Variants in TPTE2 observed in about 807,000 individuals in gnomAD.
The protein encoded by TPTE2 is transmembrane phosphoinositide 3-phosphatase and tensin homolog 2, also known as phosphatidylinositol 3,4,5-trisphosphate 3-phosphatase TPTE2.
TPTE2 carries 53 observed loss-of-function variants against 78.6 expected under a neutral mutation model. The observed-to-expected ratio is 0.67, with a 90% confidence interval of 0.54 to 0.85. The LOEUF is 0.85. Among genes scored for constraint, TPTE2 ranks in the 40% least tolerant of loss-of-function variants. TPTE2 has a pLI of 0.00. For missense variants in TPTE2, 461 were observed against 623.0 expected, an observed-to-expected ratio of 0.74 and a Z score of 2.77; for synonymous variants, 175 against 206.2, an observed-to-expected ratio of 0.85 and a Z score of 1.30.
chr13:19,503,509 A>T (rs1868761344), upstream of TPTE2, among the ~76,000 whole-genome samples: 1 of 152,158 alleles, frequency 6.6e-6, no homozygotes, highest in Admixed American at 6.6e-5. Flanking sequence ...ATTTAAATAA[A>T]CCTCTTTATT....
the TPTE2 span, among the ~76,000 whole-genome samples, chr13:19,555,025 T>C: frequency 1.3e-5 from 2 of 152,220 alleles, no homozygotes; most frequent in Non-Finnish European, 2.9e-5. Flanking sequence ...ATTTTTACAC[T>C]TGCTAATAGT....
At chr13:19,534,142 C>T (rs376940432) in intron 1 of TPTE2, among the ~76,000 whole-genome samples, 30 of 152,296 alleles carry the variant, frequency 2.0e-4, no homozygotes, top group African/African-American at 5.3e-4. Context: ...AAACATACAA[C>T]GCTACATCAG....
intron 17 of TPTE2, among the ~76,000 whole-genome samples, chr13:19,428,971 T>C (rs919463509): frequency 6.6e-6 from 1 of 152,236 alleles, no homozygotes; most frequent in African/African-American, 2.4e-5. Context: ...CAAAGAGGCC[T>C]GATAATTATC....
At chr13:19,489,913 G>C (rs1167700162) in intron 3 of TPTE2, among the ~76,000 whole-genome samples, 8 of 151,902 alleles carry the variant, frequency 5.3e-5, no homozygotes, top group African/African-American at 1.9e-4. Context: ...CCAGTGCTAA[G>C]GATTAAAAAT....
At chr13:19,441,687 T>C (rs1156546737) in intron 13 of TPTE2, among the ~76,000 whole-genome samples, 2 of 152,142 alleles carry the variant, frequency 1.3e-5, no homozygotes, top group Admixed American at 1.3e-4. Context: ...CCAAAATACC[T>C]ACCAGGAACA....
chr13:19,423,702 A>T (rs1419025201), intron 19 of TPTE2, among the ~76,000 whole-genome samples: 1 of 152,344 alleles, frequency 6.6e-6, no homozygotes, highest in East Asian at 1.9e-4. Context: ...CAATCTCATA[A>T]CTAACAAAAA....
intron 18 of TPTE2, chr13:19,425,678 T>A (rs9579173): frequency 0.14 from 69,590 of 500,976 alleles, 5,315 homozygotes; most frequent in Middle Eastern, 0.28. Context: ...AGACTTCCCC[T>A]CAGGAAACCT....
At chr13:19,472,441 A>G (rs1045313011) in intron 6 of TPTE2, among the ~76,000 whole-genome samples, 1 of 152,216 alleles carries the variant, frequency 6.6e-6, no homozygotes, top group African/African-American at 2.4e-5. Flanking sequence ...TTCTGCTATT[A>G]AAAGACTCTA....
At chr13:19,509,316 T>C (rs1310160634) in intron 1 of TPTE2, among the ~76,000 whole-genome samples, 2 of 151,958 alleles carry the variant, frequency 1.3e-5, no homozygotes, top group African/African-American at 4.8e-5. Context: ...GAAAAAACCG[T>C]GGAGAAGATT....
intron 15 of TPTE2, among the ~76,000 whole-genome samples, chr13:19,434,392 G>A (rs573021388): frequency 6.6e-6 from 1 of 152,342 alleles, no homozygotes; most frequent in South Asian, 2.1e-4. Flanking sequence ...AGTATGGGAT[G>A]TGTGCATGCA....
intron 1 of TPTE2, among the ~76,000 whole-genome samples, chr13:19,510,188 C>T (rs889342407): frequency 2.0e-5 from 3 of 152,072 alleles, no homozygotes; most frequent in Admixed American, 6.6e-5. Context: ...ATACATAAAG[C>T]GATAGTCCAA....
At chr13:19,484,108 C>T (rs911487095) in intron 3 of TPTE2, among the ~76,000 whole-genome samples, 2 of 152,170 alleles carry the variant, frequency 1.3e-5, no homozygotes, top group Non-Finnish European at 2.9e-5. Flanking sequence ...AAGCTAAAAA[C>T]ATACTTCTCA....
chr13:19,549,249 A>C, the TPTE2 span, among the ~76,000 whole-genome samples: 1,641 of 152,302 alleles, frequency 0.011, 30 homozygotes, highest in African/African-American at 0.037. Flanking sequence ...AAATATCTGC[A>C]AACTATGCAA....
intron 14 of TPTE2, among the ~76,000 whole-genome samples, chr13:19,437,098 A>G (rs1488890136): frequency 2.6e-5 from 4 of 151,752 alleles, no homozygotes; most frequent in Non-Finnish European, 5.9e-5. Flanking sequence ...GATATTTTCT[A>G]TTCTGCTCTA....
chr13:19,518,602 T>C (rs1276490202), intron 1 of TPTE2, among the ~76,000 whole-genome samples: 6 of 152,212 alleles, frequency 3.9e-5, no homozygotes, highest in African/African-American at 1.2e-4. Flanking sequence ...AAAGATGGCA[T>C]GTTGACAAAG....
intron 3 of TPTE2, among the ~76,000 whole-genome samples, chr13:19,488,914 A>G (rs1341136411): frequency 6.6e-6 from 1 of 152,124 alleles, no homozygotes; most frequent in Non-Finnish European, 1.5e-5. Context: ...CTTGCTCACA[A>G]TCATTTCTAG....
intron 1 of TPTE2, among the ~76,000 whole-genome samples, chr13:19,521,124 A>G (rs781459310): frequency 1.3e-5 from 2 of 151,988 alleles, no homozygotes; most frequent in Non-Finnish European, 2.9e-5. Flanking sequence ...GGTTTATAGT[A>G]TTATTCAAGT....
At chr13:19,430,673 T>G in intron 16 of TPTE2, 126 bp from the exon 20 acceptor site, 1 of 645,668 alleles carries the variant, frequency 1.5e-6, no homozygotes, top group Non-Finnish European at 2.7e-6. Context: ...CAATAGTTAC[T>G]TATTTGGTCT....
chr13:19,542,109 T>C, the TPTE2 span, among the ~76,000 whole-genome samples: 32 of 152,224 alleles, frequency 2.1e-4, no homozygotes, highest in Non-Finnish European at 3.8e-4. Context: ...TAATAGCTTC[T>C]TTAAAAATAA....
Sources: allele counts gnomAD v4.1 joint callset (sites outside exome capture counted in the v4.1 genomes callset), GRCh38; gene constraint gnomAD v4.1.1; transcripts MANE v1.5; gene names NCBI Gene and HGNC (gene_info 2026-07-23, HGNC 2026-07-21).